Variants in NYAP2 observed in about 807,000 individuals in gnomAD.
NYAP2 encodes neuronal tyrosine-phosphorylated phosphoinositide-3-kinase adapter 2.
NYAP2 carries 23 observed loss-of-function variants against 50.4 expected under a neutral mutation model. The ratio of observed to expected loss-of-function variants is 0.46; its 90% CI spans 0.33 to 0.65. The LOEUF (loss-of-function observed/expected upper bound fraction) is 0.65, where lower values mean the gene tolerates loss of function less well. Among genes scored for constraint, NYAP2 ranks in the 30% least tolerant of loss-of-function variants. NYAP2 has a pLI of 0.02. For synonymous variants in NYAP2, 394 were observed against 365.2 expected (o/e 1.08, Z -0.90); for missense variants, 885 against 861.0 (o/e 1.03, Z -0.35).
At chr2:225,519,469 T>G (rs1400244751) in intron 4 of NYAP2, among the ~76,000 whole-genome samples, 1 of 135,782 alleles carries the variant, frequency 7.4e-6, no homozygotes, top group African/African-American at 2.8e-5. Context: ...CCCCTTCCTG[T>G]GTCCATGTGT....
At chr2:225,543,713 G>A (rs550523498) in intron 4 of NYAP2, among the ~76,000 whole-genome samples, 2 of 152,162 alleles carry the variant, frequency 1.3e-5, no homozygotes, top group South Asian at 4.1e-4. Flanking sequence ...TCCATGTGCT[G>A]AGGAGAAAAA....
chr2:225,544,322 A>G (rs1405475328), intron 4 of NYAP2, among the ~76,000 whole-genome samples: 1 of 151,432 alleles, frequency 6.6e-6, no homozygotes, highest in African/African-American at 2.4e-5. Flanking sequence ...TACTCCTGCC[A>G]TTTTGTTATT....
At chr2:225,508,764 G>T (rs547569033) in intron 3 of NYAP2, among the ~76,000 whole-genome samples, 1 of 152,346 alleles carries the variant, frequency 6.6e-6, no homozygotes, top group East Asian at 1.9e-4. Flanking sequence ...ACCTCATTGT[G>T]CTCATCCATT....
intron 3 of NYAP2, among the ~76,000 whole-genome samples, chr2:225,427,152 A>G (rs1027031133): frequency 2.0e-5 from 3 of 152,154 alleles, no homozygotes; most frequent in Non-Finnish European, 2.9e-5. Flanking sequence ...GTCATCCTTA[A>G]AGTTTATCCA....
rs369746874 is a variant in NYAP2, at chr2:225,582,239, T to C, written c.822T>C (p.Pro274=). 3 of 1,614,024 alleles carry C rather than the reference T, an allele frequency of 1.9e-6. No individual in the cohort carries two copies. The highest frequency in any genetic ancestry group is 2.5e-6 in the Non-Finnish European group (3 of 1,179,896). ...CCGTCTACGAGGAAATGAAGTACCC[T>C]ATCTTTGACGACTTGGGCCAAGACG... is the stretch of plus-strand genomic sequence containing the variant. Residue 274 remains proline, a synonymous_variant, in exon 5 of 7, where the codon CCT becomes CCC. Transcript: ENST00000636099. This position sits in a 1 kb window ranked among gnomAD's most constrained non-coding sequence, Gnocchi z 7.0.
At chr2:225,479,331 A>G (rs1000370229) in intron 3 of NYAP2, among the ~76,000 whole-genome samples, 1 of 152,170 alleles carries the variant, frequency 6.6e-6, no homozygotes, top group South Asian at 2.1e-4. Context: ...TTAATTTAAA[A>G]TATAAGTTGT....
intron 3 of NYAP2, among the ~76,000 whole-genome samples, chr2:225,413,426 C>T (rs1695078020): frequency 6.6e-6 from 1 of 152,148 alleles, no homozygotes. Context: ...TGTGGAATCT[C>T]AAGTGATCTA....
chr2:225,655,953 CCAACA>C (rs1693819029), downstream of NYAP2, among the ~76,000 whole-genome samples: 1 of 149,138 alleles, frequency 6.7e-6, no homozygotes, highest in Admixed American at 6.7e-5. Flanking sequence ...CACACACACA[CCAACA>C]CAATCTCACA....
chr2:225,570,354 T>G (rs1334029533), intron 4 of NYAP2, among the ~76,000 whole-genome samples: 1 of 152,200 alleles, frequency 6.6e-6, no homozygotes, highest in Non-Finnish European at 1.5e-5. Context: ...TTTGCTCTTT[T>G]TCTAATAAGA....
intron 3 of NYAP2, among the ~76,000 whole-genome samples, chr2:225,475,797 T>G (rs1050882257): frequency 1.3e-5 from 2 of 152,206 alleles, no homozygotes; most frequent in Non-Finnish European, 2.9e-5. Flanking sequence ...AATGAGAAAC[T>G]GACAAATATA....
chr2:225,679,260 T>C, the NYAP2 span, among the ~76,000 whole-genome samples: 1 of 152,098 alleles, frequency 6.6e-6, no homozygotes, highest in Non-Finnish European at 1.5e-5. Flanking sequence ...TTTGAAGTCA[T>C]GGTCCTAGAA....
chr2:225,699,534 A>G, the NYAP2 span: 1 of 152,060 alleles, frequency 6.6e-6, no homozygotes, highest in East Asian at 1.9e-4. Flanking sequence ...ACATTCAACT[A>G]GACCAGTTTA....
chr2:225,526,271 A>G (rs1412951633), intron 4 of NYAP2, among the ~76,000 whole-genome samples: 1 of 152,228 alleles, frequency 6.6e-6, no homozygotes. Flanking sequence ...ATAATCCATC[A>G]TACAAAGTTT....
chr2:225,629,118 T>A (rs189055958), intron 6 of NYAP2, among the ~76,000 whole-genome samples: 3 of 152,210 alleles, frequency 2.0e-5, no homozygotes, highest in Non-Finnish European at 1.5e-5. Context: ...AATAGCAGAG[T>A]TCTAGTCCAA....
the NYAP2 span, among the ~76,000 whole-genome samples, chr2:225,678,136 G>C: frequency 5.3e-5 from 8 of 151,908 alleles, no homozygotes; most frequent in African/African-American, 9.7e-5. Context: ...CTTCCTGATT[G>C]AATCTTTGGA....
At chr2:225,467,742 T>C (rs1689944026) in intron 3 of NYAP2, among the ~76,000 whole-genome samples, 1 of 152,208 alleles carries the variant, frequency 6.6e-6, no homozygotes, top group African/African-American at 2.4e-5. Flanking sequence ...TCTTTCACAC[T>C]TCCTTAGAGG....
At chr2:225,419,472 G>A (rs773881123) in intron 3 of NYAP2, among the ~76,000 whole-genome samples, 1 of 152,176 alleles carries the variant, frequency 6.6e-6, no homozygotes, top group African/African-American at 2.4e-5. Flanking sequence ...GAACATAGTA[G>A]TGGGAAAATC....
intron 3 of NYAP2, among the ~76,000 whole-genome samples, chr2:225,426,374 C>G (rs899271779): frequency 6.6e-6 from 1 of 152,084 alleles, no homozygotes; most frequent in Non-Finnish European, 1.5e-5. Flanking sequence ...TCAATGAAAA[C>G]ATAAAAGAGA....
intron 3 of NYAP2, among the ~76,000 whole-genome samples, chr2:225,448,081 TG>T (rs1251655703): frequency 6.6e-6 from 1 of 152,210 alleles, no homozygotes; most frequent in Non-Finnish European, 1.5e-5. Flanking sequence ...TCAGCTCTGC[TG>T]GCAAAATACA....
Sources: gnomAD v4.1 joint callset for allele counts (sites outside exome capture counted in the v4.1 genomes callset) on GRCh38, gnomAD v4.1.1 for gene constraint, Gnocchi (gnomAD v3.1) non-coding constraint, MANE v1.5 for transcripts, NCBI Gene and HGNC (gene_info 2026-07-23, HGNC 2026-07-21) for gene names.